Variants in XKR4 observed in about 807,000 individuals in gnomAD.
The protein encoded by XKR4 is XK-related protein 4.
A neutral mutation model predicts 53.9 loss-of-function variants in XKR4; 12 were observed. That is an observed-to-expected ratio of 0.22 (90% CI 0.14 to 0.36). XKR4 has a LOEUF of 0.36. XKR4 is among the 10% of genes least tolerant of loss of function. The pLI, the probability that XKR4 is intolerant of heterozygous loss-of-function variation, is 1.00. For synonymous variants in XKR4, 354 were observed against 362.4 expected (o/e 0.98, Z 0.26); for missense variants, 799 against 859.5 (o/e 0.93, Z 0.88).
chr8:55,186,874 T>C (rs1817385529), intron 1 of XKR4, among the ~76,000 whole-genome samples: 1 of 152,178 alleles, frequency 6.6e-6, no homozygotes, highest in Admixed American at 6.5e-5. Flanking sequence ...TCAGTAATTA[T>C]GCAATCACCA....
At chr8:55,249,830 A>G (rs988438844) in intron 1 of XKR4, among the ~76,000 whole-genome samples, 1 of 152,188 alleles carries the variant, frequency 6.6e-6, no homozygotes, top group Non-Finnish European at 1.5e-5. Context: ...TCACATCCAT[A>G]TTGACTACTT....
Position 55,491,281 on chromosome 8 carries a change from C to T in XKR4, c.1007-32000C>T, listed in dbSNP as rs781287857. ...TTAAATTAACACTTGCTAATTCCAT[C>T]ATCTTTATTATTTCAGGTTATGTTT... On this transcript the variant is annotated intron_variant, in intron 2 of 2. Transcript: ENST00000327381. Among the ~76,000 whole-genome samples, 72 of 152,156 alleles carry T rather than the reference C, an allele frequency of 4.7e-4. 1 individual carries two copies. Among genetic ancestry groups the T allele is most frequent in the Admixed American group, 2.3e-3 (35 of 15,276 alleles).
chr8:55,470,572 T>A (rs1805863346), intron 2 of XKR4, among the ~76,000 whole-genome samples: 1 of 152,160 alleles, frequency 6.6e-6, no homozygotes, highest in South Asian at 2.1e-4. Context: ...CGTTGCCAAG[T>A]CTCAGGTATG....
intron 1 of XKR4, among the ~76,000 whole-genome samples, chr8:55,114,611 A>C (rs1258578657): frequency 6.6e-6 from 1 of 152,208 alleles, no homozygotes; most frequent in Non-Finnish European, 1.5e-5. Context: ...ACATCAAGAC[A>C]GTAAACCATG....
intron 2 of XKR4, among the ~76,000 whole-genome samples, chr8:55,376,714 G>A (rs1370618247): frequency 6.6e-6 from 1 of 152,132 alleles, no homozygotes. Flanking sequence ...TATCATATGT[G>A]TGGAGATATT....
At chr8:55,334,385 G>A (rs1803425663) in intron 1 of XKR4, among the ~76,000 whole-genome samples, 1 of 152,142 alleles carries the variant, frequency 6.6e-6, no homozygotes, top group African/African-American at 2.4e-5. Flanking sequence ...GCTTAGGGCT[G>A]GGTCATGATA....
intron 1 of XKR4, among the ~76,000 whole-genome samples, chr8:55,118,914 T>G (rs1305089034): frequency 6.6e-6 from 1 of 152,218 alleles, no homozygotes; most frequent in Admixed American, 6.5e-5. Context: ...TTTTTGATAC[T>G]AATATGCTGT....
chr8:55,282,415 A>T (rs958783249), intron 1 of XKR4, among the ~76,000 whole-genome samples: 6 of 152,220 alleles, frequency 3.9e-5, no homozygotes, highest in African/African-American at 1.2e-4. Flanking sequence ...CAGGCTATAT[A>T]AGAAGCATGG....
In XKR4 at chr8:55,531,198, C is replaced by T. The variant is rs970351823; in HGVS notation, c.*6971C>T. ...GTCATTGTGTGATGGAGTGTGCTTA[C>T]ACAAGCTTAGATGGTAGAGCCTACC... On this transcript the variant is annotated 3_prime_UTR_variant, in exon 3 of 3. Transcript: ENST00000327381. 6.6e-6 allele frequency: 1 copy of T among 152,094 alleles called. No individual in the cohort carries two copies. The highest frequency in any genetic ancestry group is 2.4e-5 in the African/African-American group (1 of 41,410). 9.4% of individuals were successfully genotyped at this position (152,094 alleles called of 1,614,324 possible). A position where few individuals can be genotyped will look rare whatever the true frequency, so the allele number is the denominator to read the frequency against.
intron 1 of XKR4, among the ~76,000 whole-genome samples, chr8:55,331,906 T>G (rs987329545): frequency 3.3e-5 from 5 of 152,088 alleles, no homozygotes; most frequent in Admixed American, 6.6e-5. Context: ...AATCTGTGTC[T>G]TTTGATTGGG....
intron 2 of XKR4, among the ~76,000 whole-genome samples, chr8:55,425,288 G>A (rs182648515): frequency 2.0e-4 from 31 of 152,302 alleles, no homozygotes; most frequent in Middle Eastern, 6.8e-3. Flanking sequence ...AAAAAATGTA[G>A]CATCAATGCC....
intron 1 of XKR4, among the ~76,000 whole-genome samples, chr8:55,185,890 T>C (rs1817370924): frequency 6.6e-6 from 1 of 152,204 alleles, no homozygotes; most frequent in African/African-American, 2.4e-5. Flanking sequence ...CAAATTATTG[T>C]TAATTTCATG....
Position 55,110,178 on chromosome 8 carries a change from G to A in XKR4, c.806+6884G>A, listed in dbSNP as rs561091986. On this transcript the variant is annotated intron_variant, in intron 1 of 2. Transcript: ENST00000327381. ...CAGGAGGGAATGTTTTATCAGGTGT[G>A]ATCTTGCAATGTGTAATTGTTGTTG... Among the ~76,000 whole-genome samples the A allele has an allele frequency of 2.0e-5, 3 of 152,274 alleles. No individual in the cohort carries two copies. In the South Asian group the frequency reaches 6.2e-4, roughly 32 times the overall value.
intron 1 of XKR4, among the ~76,000 whole-genome samples, chr8:55,122,751 A>G (rs1020738669): frequency 1.3e-5 from 2 of 152,232 alleles, no homozygotes; most frequent in Non-Finnish European, 2.9e-5. Context: ...TATTGTTCAA[A>G]TGAACTCTAT....
At chr8:55,498,372 C>T (rs1208874798) in intron 2 of XKR4, among the ~76,000 whole-genome samples, 1 of 152,148 alleles carries the variant, frequency 6.6e-6, no homozygotes, top group East Asian at 1.9e-4. Context: ...GTGCATGTCC[C>T]TGGCACCTCT....
intron 2 of XKR4, among the ~76,000 whole-genome samples, chr8:55,399,335 C>T (rs1348352313): frequency 6.6e-6 from 1 of 152,134 alleles, no homozygotes; most frequent in Non-Finnish European, 1.5e-5. Context: ...GATAATTCAC[C>T]CTAAAGTACT....
intron 1 of XKR4, chr8:55,140,217 C>G: frequency 2.5e-6 from 1 of 395,564 alleles, no homozygotes; most frequent in South Asian, 1.9e-5. Flanking sequence ...TCTGCAGACT[C>G]TAATAAATAA....
intron 1 of XKR4, among the ~76,000 whole-genome samples, chr8:55,196,585 T>C (rs1817510290): frequency 1.3e-5 from 2 of 152,194 alleles, no homozygotes; most frequent in African/African-American, 2.4e-5. Flanking sequence ...AAAATCAGAT[T>C]GTAGGTTTGC....
At chr8:55,363,109 C>CT (rs1803927267) in intron 2 of XKR4, among the ~76,000 whole-genome samples, 1 of 152,184 alleles carries the variant, frequency 6.6e-6, no homozygotes, top group South Asian at 2.1e-4. Context: ...AATGTTTCCA[C>CT]TTTTTCCAGA....
Sources: gnomAD v4.1 joint callset for allele counts (sites outside exome capture counted in the v4.1 genomes callset) on GRCh38, gnomAD v4.1.1 for gene constraint, MANE v1.5 for transcripts, NCBI Gene and HGNC (gene_info 2026-07-23, HGNC 2026-07-21) for gene names.